Variants in DLGAP2 observed in about 807,000 individuals in gnomAD.
DLGAP2 encodes the protein DLG associated protein 2.
A neutral mutation model predicts 100.3 loss-of-function variants in DLGAP2; 26 were observed. The observed-to-expected ratio is 0.26, with a 90% CI of 0.19 to 0.36. The LOEUF (loss-of-function observed/expected upper bound fraction) is 0.36, where lower values mean the gene tolerates loss of function less well. DLGAP2 is among the 10% of genes least tolerant of loss of function. The probability of loss-of-function intolerance (pLI) is 1.00; values close to 1 mark genes in which losing one functional copy is unlikely to be tolerated. For missense variants in DLGAP2, 1,858 were observed against 1,453.2 expected, an observed-to-expected ratio of 1.28 and a Z score of -4.53; for synonymous variants, 886 against 630.1, an observed-to-expected ratio of 1.41 and a Z score of -6.08.
At chr8:788,358 C>T (rs1294345813) in intron 1 of DLGAP2, among the ~76,000 whole-genome samples, 3 of 152,128 alleles carry the variant, frequency 2.0e-5, no homozygotes, top group Middle Eastern at 3.2e-3. Context: ...GTCGAGGCCT[C>T]GGCATCTGTG....
At position 770,349 on chromosome 8, in the gene DLGAP2, C is replaced by T. The variant is rs1386128834; in HGVS notation, c.18+32524C>T. Among the ~76,000 whole-genome samples, 3 of 152,172 alleles carry T rather than the reference C, an allele frequency of 2.0e-5. No individual in the cohort carries two copies. In the East Asian group the frequency reaches 5.8e-4, roughly 29 times the overall value. ...CCTCCGCCTCCCACCCTGGGGAGCA[C>T]AGTGCCCTTCTGGGTTATTTAATCA... On this transcript the variant is annotated intron_variant, in intron 1 of 14. Transcript: ENST00000637795.
intron 11 of DLGAP2, among the ~76,000 whole-genome samples, chr8:1,677,296 CA>C (rs1210316785): frequency 6.6e-6 from 1 of 152,136 alleles, no homozygotes; most frequent in Non-Finnish European, 1.5e-5. Flanking sequence ...ATGGCTTCCC[CA>C]GTTTCCAAGA....
At chr8:1,377,756 C>G (rs890883322) in intron 3 of DLGAP2, 1 of 143,708 alleles carries the variant, frequency 7.0e-6, no homozygotes, top group South Asian at 2.3e-4. Flanking sequence ...CTCTGGTATT[C>G]TTGGTCCAGC....
chr8:1,006,112 C>G (rs1243819434), intron 2 of DLGAP2, among the ~76,000 whole-genome samples: 1 of 152,072 alleles, frequency 6.6e-6, no homozygotes, highest in African/African-American at 2.4e-5. Flanking sequence ...TCACTTGAAC[C>G]AGGGAGTCTG....
At chr8:1,685,501 A>G (rs569905825) in intron 12 of DLGAP2, among the ~76,000 whole-genome samples, 8 of 152,334 alleles carry the variant, frequency 5.3e-5, no homozygotes, top group Non-Finnish European at 1.0e-4. Flanking sequence ...GGATCAGACT[A>G]AGAGAATCAA....
At chr8:1,107,036 G>A (rs1804797434) in intron 2 of DLGAP2, among the ~76,000 whole-genome samples, 2 of 152,156 alleles carry the variant, frequency 1.3e-5, no homozygotes, top group South Asian at 2.1e-4. Flanking sequence ...CTAGCAGGCA[G>A]CAGTGAGTGT....
chr8:1,250,498 C>T (rs1444764398), intron 2 of DLGAP2: 2 of 152,182 alleles, frequency 1.3e-5, no homozygotes, highest in African/African-American at 2.4e-5. Flanking sequence ...AATGTCTTCT[C>T]TGAGGATAGC....
chr8:1,535,516 C>T (rs188154025), intron 4 of DLGAP2, among the ~76,000 whole-genome samples: 49 of 152,292 alleles, frequency 3.2e-4, no homozygotes, highest in African/African-American at 1.1e-3. Flanking sequence ...CTAGCACAGA[C>T]GTGTTCAAGC....
intron 2 of DLGAP2, among the ~76,000 whole-genome samples, chr8:1,036,527 C>G (rs559550040): frequency 6.6e-6 from 1 of 152,334 alleles, no homozygotes; most frequent in African/African-American, 2.4e-5. Context: ...ATGGAAGGCG[C>G]TGTCCCTCAG....
At chr8:1,165,477 A>C (rs1325067066) in intron 2 of DLGAP2, among the ~76,000 whole-genome samples, 1 of 152,136 alleles carries the variant, frequency 6.6e-6, no homozygotes, top group African/African-American at 2.4e-5. Flanking sequence ...TTTGGTGCAA[A>C]GGGCATCGCA....
At chr8:1,230,939 C>G (rs1231167578) in intron 2 of DLGAP2, among the ~76,000 whole-genome samples, 3 of 152,172 alleles carry the variant, frequency 2.0e-5, no homozygotes, top group Admixed American at 6.5e-5. Flanking sequence ...TTCTGGACAT[C>G]AGCCTTGGGA....
chr8:1,248,238 C>G (rs35879403), intron 2 of DLGAP2, among the ~76,000 whole-genome samples: 1 of 57,472 alleles, frequency 1.7e-5, no homozygotes, highest in East Asian at 5.6e-4. Flanking sequence ...CCGGGAAGAC[C>G]TTTGAGATCA....
At chr8:1,075,512 C>G (rs1238524123) in intron 2 of DLGAP2, among the ~76,000 whole-genome samples, 1 of 152,138 alleles carries the variant, frequency 6.6e-6, no homozygotes, top group Non-Finnish European at 1.5e-5. Flanking sequence ...ATGGCATTTT[C>G]ATCCCCTGCA....
chr8:884,990 T>G (rs1797893577), intron 1 of DLGAP2, among the ~76,000 whole-genome samples: 2 of 152,202 alleles, frequency 1.3e-5, no homozygotes, highest in South Asian at 4.1e-4. Context: ...CATTGGTCTA[T>G]ATGTCTGTTT....
At chr8:997,571 A>T (rs1800816879) in intron 2 of DLGAP2, among the ~76,000 whole-genome samples, 1 of 152,226 alleles carries the variant, frequency 6.6e-6, no homozygotes. Context: ...GGTATTTTAA[A>T]ATAAAGCATA....
At chr8:1,129,219 C>T (rs1410373807) in intron 2 of DLGAP2, among the ~76,000 whole-genome samples, 1 of 152,026 alleles carries the variant, frequency 6.6e-6, no homozygotes, top group Non-Finnish European at 1.5e-5. Context: ...TCCTGGCCAA[C>T]ATGGTGAAAA....
At chr8:1,540,260 TAG>T (rs1284758851) in intron 4 of DLGAP2, among the ~76,000 whole-genome samples, 1 of 152,198 alleles carries the variant, frequency 6.6e-6, no homozygotes. Context: ...CCGCGTTTTT[TAG>T]AGTGTTTGTC....
intron 3 of DLGAP2, among the ~76,000 whole-genome samples, chr8:1,425,958 C>T (rs1378543462): frequency 6.6e-6 from 1 of 152,210 alleles, no homozygotes; most frequent in East Asian, 1.9e-4. Flanking sequence ...TTATGGAAAC[C>T]AGGTGGCTGG....
At position 1,318,086 on chromosome 8, in the gene DLGAP2, CGTGTGCG is replaced by C. The variant is rs1563079872; in HGVS notation, c.106+59204_106+59210del. 3.6e-4 allele frequency among the ~76,000 whole-genome samples: 17 copies of C among 46,742 alleles called. 1 individual carries two copies. Among genetic ancestry groups the C allele is most frequent in the African/African-American group, 1.6e-3 (17 of 10,548 alleles). The allele number at this position is 46,742 out of a possible 152,430, so 30.7% of individuals were successfully genotyped here. On this transcript the variant is annotated intron_variant, in intron 3 of 14. Transcript: ENST00000637795. ...CACTCGTCAGTGTTTAAAAATAGAG[CGTGTGCG>C]AGTGCAGCGTCTCTCCAACAGTGGT...
Sources: gnomAD v4.1 joint callset for allele counts (sites outside exome capture counted in the v4.1 genomes callset) on GRCh38, gnomAD v4.1.1 for gene constraint, MANE v1.5 for transcripts, NCBI Gene and HGNC (gene_info 2026-07-23, HGNC 2026-07-21) for gene names.